Variants in PSD3 observed in about 807,000 individuals in gnomAD.
The protein encoded by PSD3 is PH and SEC7 domain-containing protein 3.
Under a neutral mutation model 105.5 loss-of-function variants are expected in PSD3, and 49 were observed. The observed-to-expected ratio is 0.46, with a 90% CI of 0.37 to 0.59. The LOEUF (loss-of-function observed/expected upper bound fraction) is 0.59, where lower values mean the gene tolerates loss of function less well. Among genes scored for constraint, PSD3 ranks in the 20% least tolerant of loss-of-function variants. The probability of loss-of-function intolerance (pLI) is 0.00; values close to 1 mark genes in which losing one functional copy is unlikely to be tolerated. For synonymous variants in PSD3, 557 were observed against 457.8 expected, an observed-to-expected ratio of 1.22 and a Z score of -2.77; for missense variants, 1,561 against 1,263.8, an observed-to-expected ratio of 1.24 and a Z score of -3.57.
upstream of PSD3, chr8:19,013,764 C>T: frequency 3.6e-6 from 1 of 281,262 alleles, no homozygotes; most frequent in Non-Finnish European, 5.8e-6. Flanking sequence ...CCCGCGGCAG[C>T]CGCCCGCCCG....
At chr8:18,555,905 T>G (rs901128329) in intron 15 of PSD3, among the ~76,000 whole-genome samples, 1 of 152,202 alleles carries the variant, frequency 6.6e-6, no homozygotes, top group African/African-American at 2.4e-5. Flanking sequence ...AAAGCAGCTG[T>G]CCACCCTGGT....
chr8:19,048,463 A>T (rs1828401994), intron 1 of PSD3, among the ~76,000 whole-genome samples: 1 of 152,234 alleles, frequency 6.6e-6, no homozygotes, highest in African/African-American at 2.4e-5. Context: ...GGATAAAATA[A>T]TGAAAGGGGG....
At chr8:18,676,839 C>A (rs544082592) in intron 9 of PSD3, among the ~76,000 whole-genome samples, 1 of 152,362 alleles carries the variant, frequency 6.6e-6, no homozygotes, top group African/African-American at 2.4e-5. Flanking sequence ...CTCACCTCCA[C>A]TGTCTCCCTT....
chr8:19,022,603 T>G (rs990401491), intron 1 of PSD3, among the ~76,000 whole-genome samples: 13 of 152,164 alleles, frequency 8.5e-5, no homozygotes, highest in Non-Finnish European at 1.6e-4. Flanking sequence ...GCAACCTCCA[T>G]TGGTTTTCTG....
At chr8:18,774,304 A>G (rs894453978) in intron 8 of PSD3, among the ~76,000 whole-genome samples, 1 of 152,228 alleles carries the variant, frequency 6.6e-6, no homozygotes, top group Non-Finnish European at 1.5e-5. Context: ...ATATGTATAT[A>G]TCGTATAATG....
chr8:18,977,872 T>A (rs1360755660), intron 1 of PSD3, among the ~76,000 whole-genome samples: 1 of 152,164 alleles, frequency 6.6e-6, no homozygotes, highest in African/African-American at 2.4e-5. Context: ...ATTTTAACTG[T>A]CGTAATTTAT....
rs769750010 is a variant in PSD3, at chr8:18,535,834, G to A, written c.3053C>T (p.Thr1018Ile). The change falls in exon 16 of 16, where the codon ACT (threonine) becomes ATT (isoleucine). Residue 1018 changes from threonine (T) to isoleucine (I), a missense_variant. Thr to Ile is a moderately conservative substitution (Grantham distance 89). Coordinates refer to ENST00000327040, the MANE Select transcript of PSD3 (RefSeq NM_015310.4). ...SHSSPSLNPD[T>I]SPITAKVKRN... ...CTTGACTTTGGCAGTGATTGGAGAA[G>A]TATCCGGGTTCAGCGAAGGACTCGA... 4 of 1,613,986 alleles carry A rather than the reference G, an allele frequency of 2.5e-6. No homozygotes were observed. The East Asian group carries it at 6.7e-5, about 27-fold the overall frequency.
chr8:18,994,713 T>C (rs1167825731), intron 1 of PSD3, among the ~76,000 whole-genome samples: 2 of 151,766 alleles, frequency 1.3e-5, no homozygotes, highest in South Asian at 2.1e-4. Context: ...TTCTTTTTAC[T>C]TTTTTTTAAT....
At chr8:19,033,426 T>C (rs1051016433) in intron 1 of PSD3, among the ~76,000 whole-genome samples, 2 of 152,212 alleles carry the variant, frequency 1.3e-5, no homozygotes, top group Non-Finnish European at 2.9e-5. Context: ...CGAAGTTTAC[T>C]TTTGATTCTC....
intron 4 of PSD3, among the ~76,000 whole-genome samples, chr8:18,867,451 C>G (rs1586272031): frequency 6.6e-6 from 1 of 152,168 alleles, no homozygotes; most frequent in East Asian, 1.9e-4. Context: ...TATAGTCATC[C>G]AGGAAATCCC....
At chr8:18,750,765 A>T (rs923043883) in intron 9 of PSD3, among the ~76,000 whole-genome samples, 1 of 152,038 alleles carries the variant, frequency 6.6e-6, no homozygotes, top group African/African-American at 2.4e-5. Context: ...GATACAGAGT[A>T]TGGACACACA....
chr8:19,051,625 T>A (rs928364251), intron 1 of PSD3, among the ~76,000 whole-genome samples: 4 of 152,182 alleles, frequency 2.6e-5, no homozygotes, highest in Admixed American at 1.3e-4. Context: ...AAATCCCCAA[T>A]CAGAATAATT....
chr8:18,650,005 C>T (rs1808357355), intron 10 of PSD3, among the ~76,000 whole-genome samples: 1 of 152,152 alleles, frequency 6.6e-6, no homozygotes, highest in Admixed American at 6.6e-5. Context: ...TACAAATTAC[C>T]CAGTCTTAAG....
At chr8:19,006,186 G>C (rs530217240) in intron 1 of PSD3, among the ~76,000 whole-genome samples, 43 of 151,322 alleles carry the variant, frequency 2.8e-4, no homozygotes, top group African/African-American at 9.0e-4. Context: ...TCAGCTACTC[G>C]GGAGGTGGAG....
At chr8:19,057,963 T>C (rs1221518441) in intron 1 of PSD3, among the ~76,000 whole-genome samples, 1 of 152,168 alleles carries the variant, frequency 6.6e-6, no homozygotes, top group Non-Finnish European at 1.5e-5. Flanking sequence ...TGAGAACTTC[T>C]ATTCACACAA....
chr8:18,662,308 C>G (rs1809406145), intron 9 of PSD3, among the ~76,000 whole-genome samples: 1 of 152,152 alleles, frequency 6.6e-6, no homozygotes, highest in African/African-American at 2.4e-5. Context: ...ACAGATGAAT[C>G]TGTTCTGTCT....
At chr8:18,722,919 G>A (rs923101349) in intron 9 of PSD3, among the ~76,000 whole-genome samples, 4 of 152,298 alleles carry the variant, frequency 2.6e-5, no homozygotes, top group Admixed American at 2.0e-4. Flanking sequence ...AACAATTATA[G>A]AATGCCGTAT....
chr8:18,737,111 A>G (rs1804204568), intron 9 of PSD3, among the ~76,000 whole-genome samples: 1 of 152,208 alleles, frequency 6.6e-6, no homozygotes, highest in Admixed American at 6.5e-5. Flanking sequence ...TTCTCTTTCC[A>G]GATCAATTAA....
At chr8:18,932,037 T>C (rs1301446402) in intron 2 of PSD3, among the ~76,000 whole-genome samples, 1 of 152,186 alleles carries the variant, frequency 6.6e-6, no homozygotes, top group Non-Finnish European at 1.5e-5. Context: ...CAAAGGTGAC[T>C]TCTACTATTT....
Sources: allele counts gnomAD v4.1 joint callset (sites outside exome capture counted in the v4.1 genomes callset), GRCh38; gene constraint gnomAD v4.1.1; transcripts MANE v1.5; gene names NCBI Gene and HGNC (gene_info 2026-07-23, HGNC 2026-07-21).